Variants in TRIM2 observed in about 807,000 individuals in gnomAD.
TRIM2 encodes the protein tripartite motif-containing protein 2.
TRIM2 carries 20 observed loss-of-function variants against 75.2 expected under a neutral mutation model. The ratio of observed to expected loss-of-function variants is 0.27; its 90% CI spans 0.19 to 0.39. The LOEUF (loss-of-function observed/expected upper bound fraction) is 0.39. TRIM2 is among the 10% of genes least tolerant of loss of function. TRIM2 has a pLI of 1.00. For synonymous variants in TRIM2, 373 were observed against 388.3 expected, an observed-to-expected ratio of 0.96 and a Z score of 0.46; for missense variants, 660 against 990.8, an observed-to-expected ratio of 0.67 and a Z score of 4.48.
chr4:153,263,658 G>T (rs564745787), intron 1 of TRIM2, among the ~76,000 whole-genome samples: 149 of 152,236 alleles, frequency 9.8e-4, no homozygotes, highest in African/African-American at 3.5e-3. Flanking sequence ...ATAGTATGTC[G>T]GAAGGCTTAG....
chr4:153,195,135 G>T (rs1294997028), intron 1 of TRIM2, among the ~76,000 whole-genome samples: 2 of 152,212 alleles, frequency 1.3e-5, no homozygotes, highest in East Asian at 3.8e-4. Flanking sequence ...TTGTCCTCAT[G>T]AGAGATAGAA....
At chr4:153,246,202 T>C (rs2149891370) in intron 1 of TRIM2, among the ~76,000 whole-genome samples, 1 of 152,340 alleles carries the variant, frequency 6.6e-6, no homozygotes, top group South Asian at 2.1e-4. Flanking sequence ...GGGCATTGTT[T>C]AATCCTCATA....
chr4:153,299,668 T>C (rs1209557846), intron 6 of TRIM2, among the ~76,000 whole-genome samples: 1 of 152,196 alleles, frequency 6.6e-6, no homozygotes, highest in Non-Finnish European at 1.5e-5. Flanking sequence ...TTTTAATCGG[T>C]AGTTCACATT....
chr4:153,195,854 C>G (rs1407895394), intron 1 of TRIM2, among the ~76,000 whole-genome samples: 1 of 152,156 alleles, frequency 6.6e-6, no homozygotes, highest in Non-Finnish European at 1.5e-5. Context: ...CTTTGTCGCC[C>G]AGGCTGGAGT....
intron 1 of TRIM2, among the ~76,000 whole-genome samples, chr4:153,172,518 C>T (rs577139651): frequency 1.3e-5 from 2 of 152,236 alleles, no homozygotes; most frequent in East Asian, 1.9e-4. Context: ...ACTCTGGAAA[C>T]ACTTCCTGGA....
chr4:153,195,999 G>A (rs1001396866), intron 1 of TRIM2, among the ~76,000 whole-genome samples: 13 of 152,124 alleles, frequency 8.5e-5, no homozygotes, highest in South Asian at 4.1e-4. Flanking sequence ...TAGTAAAGAC[G>A]GGGGTTTGCC....
At chr4:153,162,926 A>G (rs1175776942) in intron 1 of TRIM2, among the ~76,000 whole-genome samples, 6 of 152,180 alleles carry the variant, frequency 3.9e-5, no homozygotes, top group Admixed American at 3.9e-4. Flanking sequence ...AGGTTGGGAC[A>G]TGGACCATGC....
At chr4:153,252,999 G>C (rs779056645) in intron 1 of TRIM2, among the ~76,000 whole-genome samples, 1 of 152,168 alleles carries the variant, frequency 6.6e-6, no homozygotes, top group East Asian at 1.9e-4. Flanking sequence ...CTGCACTAAG[G>C]GTTAGTGAAT....
At chr4:153,161,285 C>T (rs530609939) in intron 1 of TRIM2, among the ~76,000 whole-genome samples, 1 of 152,302 alleles carries the variant, frequency 6.6e-6, no homozygotes, top group African/African-American at 2.4e-5. Flanking sequence ...ATCAAATATA[C>T]ACAAAAGCTT....
At chr4:153,244,449 G>A (rs1386296643) in intron 1 of TRIM2, among the ~76,000 whole-genome samples, 1 of 119,468 alleles carries the variant, frequency 8.4e-6, no homozygotes, top group African/African-American at 2.9e-5. Context: ...TAATTAGAGA[G>A]GAGGCCTCAC....
At chr4:153,166,835 A>C (rs537115540) in intron 1 of TRIM2, among the ~76,000 whole-genome samples, 16 of 152,206 alleles carry the variant, frequency 1.1e-4, no homozygotes, top group African/African-American at 3.9e-4. Flanking sequence ...AATGGAACAG[A>C]ATCTGGAATG....
At chr4:153,162,281 G>T (rs1047790517) in intron 1 of TRIM2, among the ~76,000 whole-genome samples, 1 of 152,152 alleles carries the variant, frequency 6.6e-6, no homozygotes, top group African/African-American at 2.4e-5. Flanking sequence ...GATATATACA[G>T]AGATTTATTA....
chr4:153,279,286 T>C (rs1047105352), intron 3 of TRIM2, among the ~76,000 whole-genome samples: 1 of 152,302 alleles, frequency 6.6e-6, no homozygotes, highest in East Asian at 1.9e-4. Context: ...GCTAAGCTAT[T>C]AGATCGTGAG....
At chr4:153,255,668 T>C (rs556749068) in intron 1 of TRIM2, among the ~76,000 whole-genome samples, 8 of 152,370 alleles carry the variant, frequency 5.3e-5, no homozygotes, top group African/African-American at 1.7e-4. Context: ...ATAGCAGCAC[T>C]GTTCATAATG....
At chr4:153,292,768 T>C (rs527291565) in intron 3 of TRIM2, among the ~76,000 whole-genome samples, 66 of 152,360 alleles carry the variant, frequency 4.3e-4, no homozygotes, top group African/African-American at 1.6e-3. Context: ...GCTGGTTTTA[T>C]GGTTATAGAA....
intron 1 of TRIM2, among the ~76,000 whole-genome samples, chr4:153,171,961 C>T (rs553879816): frequency 7.4e-4 from 111 of 150,358 alleles, no homozygotes; most frequent in African/African-American, 2.5e-3. Context: ...ATTATTATAC[C>T]TAATATTAAC....
intron 1 of TRIM2, among the ~76,000 whole-genome samples, chr4:153,254,006 G>A (rs1418514848): frequency 6.6e-6 from 1 of 151,968 alleles, no homozygotes; most frequent in Non-Finnish European, 1.5e-5. Flanking sequence ...CTTCTTGCAG[G>A]AGATCCAAGA....
At chr4:153,305,290 G>A (rs1295863114) in intron 6 of TRIM2, among the ~76,000 whole-genome samples, 1 of 152,128 alleles carries the variant, frequency 6.6e-6, no homozygotes, top group South Asian at 2.1e-4. Context: ...CCTTTGTTTT[G>A]AGAATTAAAT....
intron 2 of TRIM2, among the ~76,000 whole-genome samples, chr4:153,273,331 C>A (rs371484443): frequency 5.8e-4 from 80 of 139,044 alleles, no homozygotes; most frequent in South Asian, 9.3e-4. Flanking sequence ...GCTGGAGTGC[C>A]GTGGCGCGAT....
Sources: allele counts gnomAD v4.1 joint callset (sites outside exome capture counted in the v4.1 genomes callset), GRCh38; gene constraint gnomAD v4.1.1; transcripts MANE v1.5; gene names NCBI Gene and HGNC (gene_info 2026-07-23, HGNC 2026-07-21).